INPP4A: variants seen among roughly 807,000 people sequenced by gnomAD.
INPP4A encodes inositol polyphosphate-4-phosphatase type I A, also known as inositol polyphosphate-4-phosphatase, type I, 107kD.
Under a neutral mutation model 119.8 loss-of-function variants are expected in INPP4A, and 33 were observed. The ratio of observed to expected loss-of-function variants is 0.28; its 90% CI spans 0.21 to 0.37. The LOEUF (loss-of-function observed/expected upper bound fraction) is 0.37, where lower values mean the gene tolerates loss of function less well. Among genes scored for constraint, INPP4A ranks in the 10% least tolerant of loss-of-function variants. The probability of loss-of-function intolerance (pLI) is 1.00; values close to 1 mark genes in which losing one functional copy is unlikely to be tolerated. For missense variants in INPP4A, 956 were observed against 1,289.9 expected (o/e 0.74, Z 3.97); for synonymous variants, 496 against 500.7 (o/e 0.99, Z 0.12).
At chr2:98,559,565 A>C in intron 17 of INPP4A, 70 bp downstream of exon 17, 2 of 1,481,212 alleles carry the variant, frequency 1.4e-6, no homozygotes, top group South Asian at 1.2e-5. Flanking sequence ...TTTTGTAGCT[A>C]AATTACAAAA....
rs568837891 is a variant in INPP4A, at chr2:98,566,465, G to A, written c.2420+296G>A. Reference sequence around the variant, plus strand: ...GATCCGGAGTAGGGCACCCAGCAAGGTCTAGGGGGTCTGTAAAGGCTTCTT... The same window carrying A: ...GATCCGGAGTAGGGCACCCAGCAAGATCTAGGGGGTCTGTAAAGGCTTCTT... On this transcript the variant is annotated intron_variant, in intron 21 of 24. Transcript: ENST00000409851. This position sits in a 1 kb window ranked among gnomAD's most constrained non-coding sequence, Gnocchi z 4.2. Among the ~76,000 whole-genome samples, 5 of 152,298 alleles carry A rather than the reference G, an allele frequency of 3.3e-5. No homozygotes were observed. The South Asian group carries it at 8.3e-4, about 25-fold the overall frequency.
Position 98,570,487 on chromosome 2 carries a change from TG to T in INPP4A, c.2518+1822del, listed in dbSNP as rs561423643. ...CATACAGTCTCACTGTGGTGAGGGC[TG>T]GGCCAGGGATCAAGGGGTGATGAAA... On this transcript the variant is annotated intron_variant, in intron 22 of 24. Transcript: ENST00000409851. This position sits in a 1 kb window ranked among gnomAD's most constrained non-coding sequence, Gnocchi z 4.3. 7.2e-4 allele frequency among the ~76,000 whole-genome samples: 109 copies of T among 152,256 alleles called. No homozygotes were observed. Among genetic ancestry groups the T allele is most frequent in the African/African-American group, 2.6e-3 (106 of 41,556 alleles).
In INPP4A at chr2:98,544,061, A is replaced by ACTCT. The variant is rs1224370178; in HGVS notation, c.949+55_949+56insTCTC. ...CACGCGTGCGCACACACACACACAC[A>ACTCT]CACTCTCACTCTCACTCAGTCACTC... On this transcript the variant is annotated intron_variant, in intron 11 of 24. Coordinates refer to ENST00000409851, the MANE Select transcript of INPP4A (RefSeq NM_001134225.2). The ACTCT allele has an allele frequency of 2.0e-6, 3 of 1,463,730 alleles. No homozygotes were observed. The East Asian group carries it at 7.5e-5, about 37-fold the overall frequency. The allele number at this position is 1,463,730 out of a possible 1,614,324, so 90.7% of individuals were successfully genotyped here. A position where few individuals can be genotyped will look rare whatever the true frequency, so the allele number is the denominator to read the frequency against.
At chr2:98,540,807 T>TA (rs903042941) in intron 10 of INPP4A, among the ~76,000 whole-genome samples, 2 of 152,204 alleles carry the variant, frequency 1.3e-5, no homozygotes, top group Non-Finnish European at 2.9e-5. Context: ...CGTCATCTCT[T>TA]AAAGGTCCCA....
intron 24 of INPP4A, chr2:98,581,609 C>A: frequency 1.3e-6 from 2 of 1,559,536 alleles, no homozygotes; most frequent in Non-Finnish European, 1.7e-6. Context: ...CCCAGAAGAA[C>A]TTGAGCGGCC....
intron 4 of INPP4A, among the ~76,000 whole-genome samples, chr2:98,526,344 C>T (rs1417868681): frequency 2.0e-5 from 3 of 152,044 alleles, no homozygotes; most frequent in African/African-American, 7.2e-5. Flanking sequence ...ACAGAAAAAC[C>T]TAAGCTTTTT....
intron 10 of INPP4A, among the ~76,000 whole-genome samples, chr2:98,543,661 C>T (rs1354879678): frequency 6.6e-6 from 1 of 152,216 alleles, no homozygotes; most frequent in African/African-American, 2.4e-5. Flanking sequence ...ACTCTGGACA[C>T]ACTGCCACGT....
chr2:98,575,628 C>T (rs1489607513), intron 23 of INPP4A, among the ~76,000 whole-genome samples: 1 of 152,006 alleles, frequency 6.6e-6, no homozygotes, highest in African/African-American at 2.4e-5. Flanking sequence ...TTTTGCCTTT[C>T]CCTAGACGAG....
chr2:98,541,302 T>G (rs1389051485), intron 10 of INPP4A, among the ~76,000 whole-genome samples: 14 of 148,836 alleles, frequency 9.4e-5, no homozygotes, highest in Admixed American at 2.0e-4. Flanking sequence ...ACTCCAGCCT[T>G]GGTGACAGAG....
chr2:98,465,404 T>A (rs911760364), intron 1 of INPP4A, among the ~76,000 whole-genome samples: 2 of 152,218 alleles, frequency 1.3e-5, no homozygotes, highest in African/African-American at 4.8e-5. Flanking sequence ...TGTGATGGCA[T>A]TTGGGGCCTA....
chr2:98,549,069 C>T (rs567112026), intron 13 of INPP4A: 20 of 1,072,330 alleles, frequency 1.9e-5, no homozygotes, highest in South Asian at 1.1e-4. Flanking sequence ...GCTTCCCCTG[C>T]GGTGCTGCCA....
chr2:98,449,823 G>A lies in INPP4A; in HGVS notation c.-166+4738G>A, dbSNP rs1325095722. On this transcript the variant is annotated intron_variant, in intron 1 of 24. Coordinates refer to ENST00000409851, the MANE Select transcript of INPP4A (RefSeq NM_001134225.2). ...AAACTGTCTGTTTCCCTTTAACTTG[G>A]CCAACATTTAAGAGAATAAATCTTG... Among the ~76,000 whole-genome samples the A allele has an allele frequency of 2.6e-5, 4 of 152,068 alleles. No homozygotes were observed. In the East Asian group the frequency reaches 5.8e-4, roughly 22 times the overall value.
intron 1 of INPP4A, among the ~76,000 whole-genome samples, chr2:98,495,853 A>G (rs1197043044): frequency 6.6e-6 from 1 of 152,218 alleles, no homozygotes; most frequent in African/African-American, 2.4e-5. Context: ...CGGGTCAGGA[A>G]AAAGACCTGG....
At chr2:98,564,508 T>G (rs1276708158) in intron 18 of INPP4A, 132 bp from the exon 19 acceptor site, 4 of 1,104,272 alleles carry the variant, frequency 3.6e-6, no homozygotes, top group Non-Finnish European at 5.3e-6. Context: ...TCTCAAGGGA[T>G]GGGAGGTGCC....
At chr2:98,504,488 T>G (rs547650078) in intron 1 of INPP4A, among the ~76,000 whole-genome samples, 1 of 152,314 alleles carries the variant, frequency 6.6e-6, no homozygotes, top group East Asian at 1.9e-4. Context: ...CTCCCTGATT[T>G]CAGTTTGTTG....
intron 1 of INPP4A, among the ~76,000 whole-genome samples, chr2:98,503,806 C>G (rs1284292166): frequency 1.3e-5 from 2 of 152,232 alleles, no homozygotes; most frequent in Non-Finnish European, 2.9e-5. Context: ...AGGCAGGGCT[C>G]CTGTCTTCTG....
chr2:98,491,238 A>G (rs934750095), intron 1 of INPP4A, among the ~76,000 whole-genome samples: 1 of 152,184 alleles, frequency 6.6e-6, no homozygotes, highest in Non-Finnish European at 1.5e-5. Context: ...TGTTTGGATT[A>G]AAGTTTCTAT....
intron 4 of INPP4A, among the ~76,000 whole-genome samples, chr2:98,527,991 A>C (rs1209148292): frequency 6.6e-6 from 1 of 152,232 alleles, no homozygotes; most frequent in East Asian, 1.9e-4. Flanking sequence ...GAGATGTTGC[A>C]AAAAAGAAAG....
At chr2:98,476,343 A>G (rs1677194960) in intron 1 of INPP4A, among the ~76,000 whole-genome samples, 1 of 152,250 alleles carries the variant, frequency 6.6e-6, no homozygotes, top group East Asian at 1.9e-4. Context: ...TGCCCAGTCA[A>G]ACTAAGACAT....
Sources: gnomAD v4.1 joint callset for allele counts (sites outside exome capture counted in the v4.1 genomes callset) on GRCh38, gnomAD v4.1.1 for gene constraint, Gnocchi (gnomAD v3.1) non-coding constraint, MANE v1.5 for transcripts, NCBI Gene and HGNC (gene_info 2026-07-23, HGNC 2026-07-21) for gene names.